Variants in OSBP2 observed in about 807,000 individuals in gnomAD.
The protein encoded by OSBP2 is oxysterol binding protein 2.
A neutral mutation model predicts 96.0 loss-of-function variants in OSBP2; 66 were observed. The observed-to-expected ratio is 0.69, with a 90% confidence interval of 0.56 to 0.84. The LOEUF (loss-of-function observed/expected upper bound fraction) is 0.84, where lower values mean the gene tolerates loss of function less well. Among genes scored for constraint, OSBP2 ranks in the 40% least tolerant of loss-of-function variants. The probability of loss-of-function intolerance (pLI) is 0.00; values close to 1 mark genes in which losing one functional copy is unlikely to be tolerated. For missense variants in OSBP2, 1,038 were observed against 1,222.7 expected (o/e 0.85, Z 2.25); for synonymous variants, 525 against 520.9 (o/e 1.01, Z -0.11).
At chr22:30,889,823 G>A (rs1413325871) in intron 7 of OSBP2, among the ~76,000 whole-genome samples, 187 bp downstream of exon 7, 4 of 152,186 alleles carry the variant, frequency 2.6e-5, no homozygotes, top group East Asian at 1.9e-4. Context: ...CCAAAGTACA[G>A]GGATCTTTGG....
Position 30,868,902 on chromosome 22 carries a change from C to CA in OSBP2, c.854-1520dup, listed in dbSNP as rs537736026. Among the ~76,000 whole-genome samples the CA allele has an allele frequency of 5.9e-5, 9 of 151,964 alleles. No homozygotes were observed. The South Asian group carries it at 8.3e-4, about 14-fold the overall frequency. On this transcript the variant is annotated intron_variant, in intron 2 of 13. Coordinates refer to ENST00000332585, the MANE Select transcript of OSBP2 (RefSeq NM_030758.4). ...TTCTCTCACAGTATGCATTATTTTT[C>CA]AAAAAAAGTCTTATATCTTGGGTTA...
At chr22:30,902,503 G>A (rs973826846) in intron 12 of OSBP2, 12 of 1,549,326 alleles carry the variant, frequency 7.7e-6, no homozygotes, top group Non-Finnish European at 8.9e-6. Context: ...ACCAGATGAC[G>A]AAGCTTCAGG....
At chr22:30,855,994 A>G (rs28574647) in intron 2 of OSBP2, among the ~76,000 whole-genome samples, 7,020 of 152,206 alleles carry the variant, frequency 0.046, 199 homozygotes, top group Non-Finnish European at 0.064. Context: ...TGGGGAGTTG[A>G]GAGGAAGGTC....
At chr22:30,791,814 C>T (rs2090680010) in intron 2 of OSBP2, among the ~76,000 whole-genome samples, 1 of 152,114 alleles carries the variant, frequency 6.6e-6, no homozygotes, top group Non-Finnish European at 1.5e-5. Flanking sequence ...CAGGGCTAGA[C>T]CCAGGCCAGT....
chr22:30,701,344 C>CTTTTTTT (rs1228654999), intron 1 of OSBP2, among the ~76,000 whole-genome samples: 6 of 127,990 alleles, frequency 4.7e-5, no homozygotes, highest in African/African-American at 8.3e-5. Context: ...TTTTTCTTTT[C>CTTTTTTT]TTTTTTTTTT....
chr22:30,811,963 C>T (rs1350861313), intron 2 of OSBP2, among the ~76,000 whole-genome samples: 1 of 151,952 alleles, frequency 6.6e-6, no homozygotes, highest in African/African-American at 2.4e-5. Flanking sequence ...TCAAGGCATC[C>T]TCCTGCCTCA....
At position 30,906,314 on chromosome 22, in the gene OSBP2, G is replaced by A; in HGVS notation, c.2726G>A (p.Trp909Ter). ...GYWEAKEKQD[W>*]HMCPNIF Reference sequence around the variant, plus strand: ...TGGGAGGCCAAGGAGAAGCAAGACTGGCATATGTGCCCCAACATCTTCTGA... The same window carrying A: ...TGGGAGGCCAAGGAGAAGCAAGACTAGCATATGTGCCCCAACATCTTCTGA... Residue 909 changes from tryptophan to a stop codon, truncating the protein, a stop_gained, in exon 14 of 14, where the codon TGG (tryptophan) becomes TAG (stop). Transcript: ENST00000332585. LOFTEE classifies it high-confidence loss of function. 2 of 1,612,002 alleles carry A rather than the reference G, an allele frequency of 1.2e-6. No homozygotes were observed. Among genetic ancestry groups the A allele is most frequent in the Non-Finnish European group, 1.7e-6 (2 of 1,178,670 alleles).
intron 2 of OSBP2, among the ~76,000 whole-genome samples, chr22:30,778,396 T>C (rs136311): frequency 0.2 from 29,891 of 151,782 alleles, 3,020 homozygotes; most frequent in Non-Finnish European, 0.23. Flanking sequence ...AGCATCAGCA[T>C]GCTGGCTGCT....
At chr22:30,836,335 G>A (rs927839214) in intron 2 of OSBP2, among the ~76,000 whole-genome samples, 1 of 152,186 alleles carries the variant, frequency 6.6e-6, no homozygotes, top group South Asian at 2.1e-4. Flanking sequence ...AGGCCATAAT[G>A]CTAATGACTG....
intron 2 of OSBP2, among the ~76,000 whole-genome samples, chr22:30,833,104 A>G (rs935942493): frequency 2.6e-5 from 4 of 152,214 alleles, no homozygotes; most frequent in Admixed American, 2.6e-4. Flanking sequence ...TGTTATAGCC[A>G]TAGAATCCTA....
chr22:30,889,110 G>C, intron 5 of OSBP2, 67 bp from the exon 6 acceptor site: 1 of 1,400,740 alleles, frequency 7.1e-7, no homozygotes, highest in South Asian at 1.3e-5. Flanking sequence ...TCTGGAGAGA[G>C]GATGGGCCAG....
At chr22:30,830,581 C>A (rs2038500526) in intron 2 of OSBP2, among the ~76,000 whole-genome samples, 1 of 152,144 alleles carries the variant, frequency 6.6e-6, no homozygotes, top group African/African-American at 2.4e-5. Flanking sequence ...ACTCTTAGTT[C>A]ATTAACCATT....
upstream of OSBP2, chr22:30,694,492 G>A (rs1484215808): frequency 4.7e-6 from 5 of 1,061,746 alleles, no homozygotes; most frequent in Non-Finnish European, 6.6e-6. Flanking sequence ...GCCTGGGTTG[G>A]GGGAGGGGGC....
intron 2 of OSBP2, among the ~76,000 whole-genome samples, chr22:30,828,648 A>G (rs2038455774): frequency 1.3e-5 from 2 of 152,176 alleles, no homozygotes; most frequent in African/African-American, 2.4e-5. Context: ...GGGGCACTGT[A>G]TGTAAGAGTG....
At chr22:30,905,778 G>A (rs901146226) in intron 12 of OSBP2, 59 bp from the exon 13 acceptor site, 7 of 1,596,162 alleles carry the variant, frequency 4.4e-6, no homozygotes, top group African/African-American at 4.0e-5. Context: ...GAGGGCGGCC[G>A]GGTAGGTGTG....
intron 2 of OSBP2, among the ~76,000 whole-genome samples, chr22:30,743,351 C>T (rs2089963487): frequency 6.6e-6 from 1 of 152,214 alleles, no homozygotes; most frequent in African/African-American, 2.4e-5. Context: ...TTGTCTCACT[C>T]ATTTGGAGCA....
chr22:30,884,339 G>A (rs1445922380), intron 3 of OSBP2, among the ~76,000 whole-genome samples: 1 of 152,172 alleles, frequency 6.6e-6, no homozygotes, highest in Non-Finnish European at 1.5e-5. Flanking sequence ...AGGGCAGCTT[G>A]TGGGCACAGC....
intron 2 of OSBP2, among the ~76,000 whole-genome samples, chr22:30,794,356 G>A (rs2090725010): frequency 6.6e-6 from 1 of 151,078 alleles, no homozygotes. Context: ...CCGCCTCCCG[G>A]TGGGTTCCAG....
chr22:30,895,511 A>G (rs1185596380), intron 12 of OSBP2, among the ~76,000 whole-genome samples: 1 of 152,216 alleles, frequency 6.6e-6, no homozygotes, highest in Non-Finnish European at 1.5e-5. Context: ...TCAATAACCA[A>G]CATTGGATTA....
Sources: gnomAD v4.1 joint callset for allele counts (sites outside exome capture counted in the v4.1 genomes callset) on GRCh38, gnomAD v4.1.1 for gene constraint, MANE v1.5 for transcripts, NCBI Gene and HGNC (gene_info 2026-07-23, HGNC 2026-07-21) for gene names.